The following CDK14 variants were observed in gnomAD, a reference collection of about 807,000 sequenced individuals.
CDK14 encodes the protein cyclin-dependent kinase 14.
In CDK14, 34 loss-of-function variants were observed where a neutral mutation model predicts 60.7. The observed-to-expected ratio is 0.56, with a 90% CI of 0.43 to 0.75. The LOEUF (loss-of-function observed/expected upper bound fraction) is 0.75. Among genes scored for constraint, CDK14 ranks in the 30% least tolerant of loss-of-function variants. CDK14 has a pLI of 0.00. For missense variants in CDK14, 482 were observed against 564.1 expected (o/e 0.85, Z 1.47); for synonymous variants, 197 against 203.7 (o/e 0.97, Z 0.28).
At chr7:90,791,944 C>G in intron 5 of CDK14, among the ~76,000 whole-genome samples, 1 of 149,214 alleles carries the variant, frequency 6.7e-6, no homozygotes, top group East Asian at 2.0e-4. Context: ...GCTCTGTCAC[C>G]CAGGCTGGAG....
At chr7:91,149,222 A>G (rs1800752955) in intron 14 of CDK14, among the ~76,000 whole-genome samples, 1 of 152,168 alleles carries the variant, frequency 6.6e-6, no homozygotes, top group African/African-American at 2.4e-5. Flanking sequence ...CAATATTTCA[A>G]AACATTTCTT....
intron 2 of CDK14, among the ~76,000 whole-genome samples, chr7:90,655,473 G>A (rs919498760): frequency 2.0e-5 from 3 of 152,082 alleles, no homozygotes; most frequent in African/African-American, 2.4e-5. Context: ...TCACAGTTAA[G>A]GGCAGATACT....
intron 10 of CDK14, among the ~76,000 whole-genome samples, chr7:91,015,668 C>T (rs909422817): frequency 6.6e-6 from 1 of 151,400 alleles, no homozygotes; most frequent in Non-Finnish European, 1.5e-5. Flanking sequence ...ACTGGGACTA[C>T]AGGCACCCGC....
chr7:90,636,124 A>G (rs1168396704), intron 2 of CDK14, among the ~76,000 whole-genome samples: 1 of 150,122 alleles, frequency 6.7e-6, no homozygotes, highest in Non-Finnish European at 1.5e-5. Flanking sequence ...AATACACTTT[A>G]TTTCCTTCTC....
At chr7:90,634,533 T>C (rs929324215) in intron 2 of CDK14, among the ~76,000 whole-genome samples, 1 of 151,980 alleles carries the variant, frequency 6.6e-6, no homozygotes, top group Admixed American at 6.6e-5. Context: ...AGTCTATCAT[T>C]GTTGGACATT....
At chr7:90,836,712 C>G (rs1790112453) in intron 5 of CDK14, among the ~76,000 whole-genome samples, 1 of 152,162 alleles carries the variant, frequency 6.6e-6, no homozygotes. Flanking sequence ...ACATAATTGT[C>G]TATGCAACCC....
chr7:90,680,298 G>C (rs1453982014), intron 2 of CDK14, among the ~76,000 whole-genome samples: 1 of 151,822 alleles, frequency 6.6e-6, no homozygotes, highest in East Asian at 1.9e-4. Flanking sequence ...ATTTAAATTT[G>C]GTTGTATCAT....
intron 14 of CDK14, among the ~76,000 whole-genome samples, chr7:91,191,645 C>T (rs967412147): frequency 2.0e-5 from 3 of 151,236 alleles, no homozygotes; most frequent in African/African-American, 4.9e-5. Flanking sequence ...TTTATGTTTG[C>T]GTGTATGTGA....
At chr7:90,786,690 G>A (rs969424263) in intron 4 of CDK14, among the ~76,000 whole-genome samples, 45 of 152,100 alleles carry the variant, frequency 3.0e-4, no homozygotes, top group African/African-American at 1.1e-3. Flanking sequence ...GGTGAGGCAA[G>A]AGGATCACTT....
intron 6 of CDK14, among the ~76,000 whole-genome samples, chr7:90,882,204 A>G (rs1434988370): frequency 4.0e-5 from 6 of 151,626 alleles, no homozygotes; most frequent in African/African-American, 1.5e-4. Context: ...CTCATGTGCA[A>G]AGACACACAT....
chr7:90,673,234 A>C (rs1248125509), intron 2 of CDK14, among the ~76,000 whole-genome samples: 1 of 152,190 alleles, frequency 6.6e-6, no homozygotes, highest in African/African-American at 2.4e-5. Flanking sequence ...CTTAAGGGTC[A>C]GGGAGGAGCA....
At chr7:90,654,532 T>C (rs1800712069) in intron 2 of CDK14, among the ~76,000 whole-genome samples, 1 of 152,202 alleles carries the variant, frequency 6.6e-6, no homozygotes, top group African/African-American at 2.4e-5. Flanking sequence ...TTTTTAGAAC[T>C]CATCATTTCA....
At chr7:90,699,383 GAACACTA>G (rs1801734567) in intron 2 of CDK14, among the ~76,000 whole-genome samples, 1 of 152,140 alleles carries the variant, frequency 6.6e-6, no homozygotes, top group African/African-American at 2.4e-5. Context: ...TTGCTTTACT[GAACACTA>G]TTCTAAGTAG....
chr7:91,129,065 TATC>T (rs1488535808), intron 14 of CDK14, among the ~76,000 whole-genome samples: 1 of 152,220 alleles, frequency 6.6e-6, no homozygotes, highest in Non-Finnish European at 1.5e-5. Flanking sequence ...ATGATAGTTT[TATC>T]ATCGTCTTTT....
At chr7:90,803,515 C>G (rs999398343) in intron 5 of CDK14, among the ~76,000 whole-genome samples, 34 of 152,076 alleles carry the variant, frequency 2.2e-4, no homozygotes, top group Non-Finnish European at 1.2e-4. Flanking sequence ...GTCAGGGTGA[C>G]TTCCAGGATT....
chr7:90,830,911 A>G (rs545136286), intron 5 of CDK14, among the ~76,000 whole-genome samples: 4 of 152,344 alleles, frequency 2.6e-5, no homozygotes, highest in South Asian at 2.1e-4. Context: ...CCAGTTCCCA[A>G]TAAGTTCCTC....
At chr7:90,984,533 G>A (rs802399) in intron 10 of CDK14, among the ~76,000 whole-genome samples, 111,070 of 152,034 alleles carry the variant, frequency 0.73, 40,705 homozygotes, top group East Asian at 0.77. Context: ...CCAAATAATT[G>A]CTATATAGAT....
At chr7:90,717,796 G>T (rs1802302028) in intron 2 of CDK14, among the ~76,000 whole-genome samples, 1 of 151,918 alleles carries the variant, frequency 6.6e-6, no homozygotes, top group African/African-American at 2.4e-5. Flanking sequence ...AATATTAACA[G>T]AACTATTTCA....
At chr7:90,661,014 C>T (rs993400808) in intron 2 of CDK14, among the ~76,000 whole-genome samples, 1 of 152,170 alleles carries the variant, frequency 6.6e-6, no homozygotes, top group African/African-American at 2.4e-5. Flanking sequence ...GGAGTGCAGC[C>T]ACTGTGTGAA....
Sources: gnomAD v4.1 joint callset for allele counts (sites outside exome capture counted in the v4.1 genomes callset) on GRCh38, gnomAD v4.1.1 for gene constraint, MANE v1.5 for transcripts, NCBI Gene and HGNC (gene_info 2026-07-23, HGNC 2026-07-21) for gene names.